Variants in KCNMA1 observed in about 807,000 individuals in gnomAD.
The protein encoded by KCNMA1 is potassium calcium-activated channel subfamily M alpha 1.
KCNMA1 carries 29 observed loss-of-function variants against 140.0 expected under a neutral mutation model. The ratio of observed to expected loss-of-function variants is 0.21; its 90% confidence interval spans 0.15 to 0.28. KCNMA1 has a LOEUF of 0.28. KCNMA1 is among the 10% of genes least tolerant of loss of function. The pLI is 1.00. For synonymous variants in KCNMA1, 612 were observed against 611.9 expected, an observed-to-expected ratio of 1.00 and a Z score of 0.00; for missense variants, 880 against 1,602.2, an observed-to-expected ratio of 0.55 and a Z score of 7.70.
intron 19 of KCNMA1, among the ~76,000 whole-genome samples, chr10:76,985,024 A>G (rs1413539428): frequency 6.6e-6 from 1 of 152,220 alleles, no homozygotes; most frequent in Non-Finnish European, 1.5e-5. Flanking sequence ...CCTGCATGTC[A>G]GGCCCTTCTG....
In KCNMA1 at chr10:76,885,654, A is replaced by G; in HGVS notation, c.*1612T>C. The G allele has an allele frequency of 2.0e-6, 2 of 985,262 alleles. No individual in the cohort carries two copies. Among genetic ancestry groups the G allele is most frequent in the Non-Finnish European group, 2.4e-6 (2 of 829,844 alleles). The allele number at this position is 985,262 out of a possible 1,614,324, so 61.0% of individuals were successfully genotyped here. On this transcript the variant is annotated 3_prime_UTR_variant, in exon 28 of 28. Transcript: ENST00000286628. ...ATTCGATGGAATTCTTTGAAGTAAA[A>G]CTTTTCAAATATGTATATACCAGCC...
intron 1 of KCNMA1, among the ~76,000 whole-genome samples, chr10:77,602,360 G>A (rs960442554): frequency 2.6e-5 from 4 of 152,176 alleles, no homozygotes; most frequent in Non-Finnish European, 5.9e-5. Flanking sequence ...GGGCAAATCC[G>A]TACAGACAGA....
chr10:77,625,894 T>C (rs998309743), intron 1 of KCNMA1, among the ~76,000 whole-genome samples: 1 of 152,348 alleles, frequency 6.6e-6, no homozygotes, highest in East Asian at 1.9e-4. Flanking sequence ...TATATGATAA[T>C]TGAATGATTA....
chr10:77,031,355 C>A (rs112136606), intron 15 of KCNMA1, among the ~76,000 whole-genome samples: 1 of 152,204 alleles, frequency 6.6e-6, no homozygotes, highest in East Asian at 1.9e-4. Context: ...AGCTGTGAAG[C>A]ACTTATCCCT....
intron 23 of KCNMA1, among the ~76,000 whole-genome samples, chr10:76,941,566 A>G (rs2062417694): frequency 6.6e-6 from 1 of 152,180 alleles, no homozygotes; most frequent in East Asian, 1.9e-4. Flanking sequence ...AGAGGAGCAG[A>G]CAGACAGACA....
At position 76,949,213 on chromosome 10, in the gene KCNMA1, C is replaced by G; in HGVS notation, c.2638G>C (p.Val880Leu). 6.2e-7 allele frequency: 1 copy of G among 1,614,200 alleles called. No homozygotes were observed. Among genetic ancestry groups the G allele is most frequent in the Non-Finnish European group, 8.5e-7 (1 of 1,180,024 alleles). ...HYHELKHIVF[V>L]GSIEYLKREW... ...CGCTTGAGGTACTCAATAGAGCCCACAAACACAATGTGCTTGAGCTCATGG... is the reference window on the plus strand; with the variant it reads ...CGCTTGAGGTACTCAATAGAGCCCAGAAACACAATGTGCTTGAGCTCATGG... Residue 880 changes from valine (V) to leucine (L), a missense_variant, in exon 22 of 28, where the codon GTG (valine) becomes CTG (leucine). Val to Leu is a conservative substitution (Grantham distance 32, BLOSUM62 1). Transcript: ENST00000286628.
intron 21 of KCNMA1, chr10:76,951,924 G>T: frequency 9.8e-7 from 1 of 1,018,970 alleles, no homozygotes; most frequent in Non-Finnish European, 1.5e-6. Context: ...GAGAGCAGTC[G>T]TTGTCAGGGA....
chr10:77,267,041 A>C (rs542882844), intron 2 of KCNMA1, among the ~76,000 whole-genome samples: 1 of 152,316 alleles, frequency 6.6e-6, no homozygotes, highest in African/African-American at 2.4e-5. Flanking sequence ...TCTCCAGAGA[A>C]GGGGCAATGA....
chr10:77,634,128 G>A (rs950334277), intron 1 of KCNMA1: 1 of 984,420 alleles, frequency 1.0e-6, no homozygotes, highest in Non-Finnish European at 1.2e-6. Context: ...TCAAAGTCAT[G>A]GCTTTATTCA....
At chr10:77,393,747 G>A (rs2095928064) in intron 2 of KCNMA1, among the ~76,000 whole-genome samples, 1 of 152,242 alleles carries the variant, frequency 6.6e-6, no homozygotes, top group African/African-American at 2.4e-5. Flanking sequence ...TTCCAATCAA[G>A]TGAGAACGAG....
At chr10:77,164,615 C>A (rs1044887741) in intron 5 of KCNMA1, among the ~76,000 whole-genome samples, 1 of 152,014 alleles carries the variant, frequency 6.6e-6, no homozygotes, top group Non-Finnish European at 1.5e-5. Flanking sequence ...TAGAAGCCAC[C>A]ATTTCTCTTC....
At chr10:77,334,759 T>C (rs530854534) in intron 2 of KCNMA1, among the ~76,000 whole-genome samples, 3 of 152,310 alleles carry the variant, frequency 2.0e-5, no homozygotes, top group South Asian at 2.1e-4. Context: ...ATGAGAGCTA[T>C]ATAGCTAATT....
chr10:76,972,366 A>G (rs139152230), intron 19 of KCNMA1, among the ~76,000 whole-genome samples: 3 of 152,310 alleles, frequency 2.0e-5, no homozygotes, highest in Admixed American at 6.5e-5. Context: ...ATGAATCTAG[A>G]TGAGTTAAGA....
At chr10:77,184,065 C>CACACACAT (rs1341387640) in intron 4 of KCNMA1, among the ~76,000 whole-genome samples, 3 of 147,746 alleles carry the variant, frequency 2.0e-5, no homozygotes, top group African/African-American at 7.5e-5. Context: ...TACGCATTCA[C>CACACACAT]ACACACACAC....
At chr10:76,929,783 G>A (rs2058794735) in intron 23 of KCNMA1, among the ~76,000 whole-genome samples, 1 of 152,200 alleles carries the variant, frequency 6.6e-6, no homozygotes, top group Non-Finnish European at 1.5e-5. Context: ...TGAGTGCAAT[G>A]TGCAGCTAAG....
intron 3 of KCNMA1, among the ~76,000 whole-genome samples, chr10:77,197,359 A>G (rs1209418177): frequency 6.6e-6 from 1 of 152,240 alleles, no homozygotes; most frequent in Non-Finnish European, 1.5e-5. Context: ...ACCCAGGTGG[A>G]GTCAGGAACA....
intron 9 of KCNMA1, among the ~76,000 whole-genome samples, chr10:77,101,980 G>A (rs2097108040): frequency 6.6e-6 from 1 of 152,216 alleles, no homozygotes; most frequent in Non-Finnish European, 1.5e-5. Flanking sequence ...AAGAGAAGAG[G>A]TTTCAATAAG....
At chr10:76,951,122 T>C (rs2066101852) in intron 21 of KCNMA1, among the ~76,000 whole-genome samples, 1 of 152,030 alleles carries the variant, frequency 6.6e-6, no homozygotes, top group South Asian at 2.1e-4. Flanking sequence ...AGGGTGGAAG[T>C]GAATTCTAGA....
At chr10:77,248,770 T>C (rs1169920868) in intron 3 of KCNMA1, among the ~76,000 whole-genome samples, 2 of 152,156 alleles carry the variant, frequency 1.3e-5, no homozygotes, top group Non-Finnish European at 1.5e-5. Flanking sequence ...TAGGTTTCAC[T>C]GTGTTTTATT....
Sources: allele counts gnomAD v4.1 joint callset (sites outside exome capture counted in the v4.1 genomes callset), GRCh38; gene constraint gnomAD v4.1.1; transcripts MANE v1.5; gene names NCBI Gene and HGNC (gene_info 2026-07-23, HGNC 2026-07-21).